Variants in TMEM108 observed in about 807,000 individuals in gnomAD.
The protein encoded by TMEM108 is transmembrane protein 108.
In TMEM108, 12 loss-of-function variants were observed where a neutral mutation model predicts 35.1. That is an observed-to-expected ratio of 0.34 (90% confidence interval 0.22 to 0.55). The LOEUF is 0.55. TMEM108 is among the 20% of genes least tolerant of loss of function. The pLI, the probability that TMEM108 is intolerant of heterozygous loss-of-function variation, is 0.89. For missense variants in TMEM108, 680 were observed against 753.3 expected, an observed-to-expected ratio of 0.90 and a Z score of 1.14; for synonymous variants, 287 against 308.6, an observed-to-expected ratio of 0.93 and a Z score of 0.73.
At chr3:133,316,435 T>G (rs2071200299) in intron 3 of TMEM108, among the ~76,000 whole-genome samples, 1 of 152,200 alleles carries the variant, frequency 6.6e-6, no homozygotes, top group Admixed American at 6.5e-5. Flanking sequence ...GCTATATCTT[T>G]AGCATCATCA....
intron 2 of TMEM108, among the ~76,000 whole-genome samples, chr3:133,104,783 G>A (rs1034511965): frequency 1.4e-4 from 22 of 152,180 alleles, no homozygotes; most frequent in Admixed American, 5.2e-4. Context: ...GAACCTGTAA[G>A]ACGGCCTCCA....
At chr3:133,368,241 G>T (rs1385735450) in intron 3 of TMEM108, among the ~76,000 whole-genome samples, 2 of 152,192 alleles carry the variant, frequency 1.3e-5, no homozygotes, top group East Asian at 3.9e-4. Flanking sequence ...GGTCCTTCAT[G>T]AGGCTGTTCT....
chr3:133,307,444 C>A (rs958707551), intron 3 of TMEM108, among the ~76,000 whole-genome samples: 2 of 152,090 alleles, frequency 1.3e-5, no homozygotes, highest in African/African-American at 4.8e-5. Context: ...GAAGTCCTTG[C>A]CCATGCCTGT....
chr3:133,178,744 C>G (rs1335584881), intron 2 of TMEM108, among the ~76,000 whole-genome samples: 1 of 152,170 alleles, frequency 6.6e-6, no homozygotes, highest in Admixed American at 6.5e-5. Context: ...AAGACATAGG[C>G]ATGGGCAAGG....
At chr3:133,067,350 G>A (rs989941195) in intron 2 of TMEM108, among the ~76,000 whole-genome samples, 2 of 152,138 alleles carry the variant, frequency 1.3e-5, no homozygotes, top group African/African-American at 4.8e-5. Flanking sequence ...TCTTTATAAA[G>A]GTATTGCTAG....
intron 2 of TMEM108, among the ~76,000 whole-genome samples, chr3:133,079,617 T>C (rs538995717): frequency 1.3e-5 from 2 of 152,310 alleles, no homozygotes; most frequent in African/African-American, 4.8e-5. Flanking sequence ...GATCTAATCA[T>C]GTCTGAAAGG....
intron 1 of TMEM108, 135 bp from the exon 2 acceptor site, chr3:133,045,767 A>G (rs549206324): frequency 2.6e-5 from 4 of 152,554 alleles, no homozygotes; most frequent in African/African-American, 9.6e-5. Context: ...TGAATCAGAA[A>G]TAAATTTTTA....
chr3:133,133,828 A>G (rs781327966), intron 2 of TMEM108, among the ~76,000 whole-genome samples: 45 of 150,692 alleles, frequency 3.0e-4, no homozygotes, highest in Non-Finnish European at 4.9e-4. Context: ...CAGTGGCGCG[A>G]TCTCGGCTCA....
intron 3 of TMEM108, among the ~76,000 whole-genome samples, chr3:133,240,038 C>T (rs1040787622): frequency 3.3e-5 from 5 of 152,148 alleles, no homozygotes; most frequent in Non-Finnish European, 5.9e-5. Context: ...AGGAAAACAC[C>T]TTTTGAGTAA....
chr3:133,207,167 A>G (rs142146991), intron 2 of TMEM108, among the ~76,000 whole-genome samples: 1 of 152,164 alleles, frequency 6.6e-6, no homozygotes, highest in Non-Finnish European at 1.5e-5. Context: ...TGGGAAAAGC[A>G]TAGTATCTGC....
intron 3 of TMEM108, among the ~76,000 whole-genome samples, chr3:133,319,422 C>G (rs1364713933): frequency 1.3e-5 from 2 of 152,186 alleles, no homozygotes; most frequent in Admixed American, 6.5e-5. Context: ...GTAGGCCAAC[C>G]AACTCAGGAC....
At chr3:133,322,688 T>C (rs2071281495) in intron 3 of TMEM108, among the ~76,000 whole-genome samples, 1 of 152,010 alleles carries the variant, frequency 6.6e-6, no homozygotes, top group African/African-American at 2.4e-5. Flanking sequence ...ATCACCCTAA[T>C]TCCAAAACCA....
intron 3 of TMEM108, among the ~76,000 whole-genome samples, chr3:133,280,645 C>T (rs1053249688): frequency 2.6e-5 from 4 of 152,136 alleles, no homozygotes; most frequent in Admixed American, 6.5e-5. Context: ...CATAACAATG[C>T]CCCCAAAAAC....
intron 2 of TMEM108, among the ~76,000 whole-genome samples, chr3:133,072,055 A>G (rs1416837815): frequency 2.0e-5 from 3 of 152,206 alleles, no homozygotes; most frequent in African/African-American, 7.2e-5. Flanking sequence ...CAGTTTTCTT[A>G]GTACCATTTA....
At chr3:133,124,228 A>G (rs1944388001) in intron 2 of TMEM108, among the ~76,000 whole-genome samples, 1 of 152,182 alleles carries the variant, frequency 6.6e-6, no homozygotes, top group Non-Finnish European at 1.5e-5. Context: ...CCTGATACCA[A>G]AATAACCGAA....
At chr3:133,218,142 A>G (rs1194794326) in intron 2 of TMEM108, among the ~76,000 whole-genome samples, 3 of 151,788 alleles carry the variant, frequency 2.0e-5, no homozygotes, top group African/African-American at 7.3e-5. Flanking sequence ...TCTTGGTTCA[A>G]TTTATTTCTA....
chr3:133,131,712 G>C (rs538106143), intron 2 of TMEM108, among the ~76,000 whole-genome samples: 13 of 151,666 alleles, frequency 8.6e-5, no homozygotes, highest in Non-Finnish European at 1.9e-4. Flanking sequence ...AAGCCTTGTT[G>C]AAAGCCTAAA....
intron 2 of TMEM108, among the ~76,000 whole-genome samples, chr3:133,217,507 A>G (rs1379854565): frequency 3.3e-5 from 5 of 152,018 alleles, no homozygotes; most frequent in Non-Finnish European, 5.9e-5. Context: ...GACCAAACCA[A>G]TGTCATGGAG....
chr3:133,263,989 T>C (rs1946660875), intron 3 of TMEM108, among the ~76,000 whole-genome samples: 2 of 152,136 alleles, frequency 1.3e-5, no homozygotes, highest in Non-Finnish European at 2.9e-5. Flanking sequence ...GAAGTGAAAA[T>C]TTTTAGATAT....
Sources: gnomAD v4.1 joint callset for allele counts (sites outside exome capture counted in the v4.1 genomes callset) on GRCh38, gnomAD v4.1.1 for gene constraint, MANE v1.5 for transcripts, NCBI Gene and HGNC (gene_info 2026-07-23, HGNC 2026-07-21) for gene names.